GPR89B: variants seen among roughly 807,000 people sequenced by gnomAD.
The protein encoded by GPR89B is G protein-coupled receptor 89B.
Under a neutral mutation model 52.4 loss-of-function variants are expected in GPR89B, and 25 were observed. The ratio of observed to expected loss-of-function variants is 0.48; its 90% CI spans 0.35 to 0.67. GPR89B has a LOEUF of 0.67. GPR89B is among the 30% of genes least tolerant of loss of function. GPR89B has a pLI of 0.01. For missense variants in GPR89B, 146 were observed against 450.2 expected (o/e 0.32, Z 6.11); for synonymous variants, 52 against 151.2 (o/e 0.34, Z 4.81).
chr1:147,939,514 G>T (rs28736431), intron 3 of GPR89B, among the ~76,000 whole-genome samples: 1 of 152,172 alleles, frequency 6.6e-6, no homozygotes, highest in Non-Finnish European at 1.5e-5. Flanking sequence ...TCTTTTAGGA[G>T]TAAAGCAGTC....
chr1:147,982,663 G>GT (rs1420318764), intron 10 of GPR89B, among the ~76,000 whole-genome samples: 2 of 130,704 alleles, frequency 1.5e-5, no homozygotes, highest in Non-Finnish European at 3.2e-5. Flanking sequence ...CTTTAAAGTA[G>GT]TTTTTTCCAA....
chr1:147,970,779 CT>C (rs1313666710), intron 10 of GPR89B, among the ~76,000 whole-genome samples: 1 of 148,706 alleles, frequency 6.7e-6, no homozygotes, highest in Non-Finnish European at 1.5e-5. Flanking sequence ...ACATATAGCT[CT>C]AATTCTTTTG....
At chr1:147,936,829 A>G in intron 2 of GPR89B, 143 bp downstream of exon 2, 1 of 738,676 alleles carries the variant, frequency 1.4e-6, no homozygotes, top group South Asian at 2.0e-5. Context: ...AGATTGGAGA[A>G]TATAAGTAGA....
At chr1:147,931,246 CT>C (rs569368661) in intron 1 of GPR89B, among the ~76,000 whole-genome samples, 70 of 147,168 alleles carry the variant, frequency 4.8e-4, no homozygotes, top group Middle Eastern at 3.5e-3. Flanking sequence ...TGATGGCCAT[CT>C]TTTTTTTTTT....
At chr1:147,951,356 T>A (rs1655674682) in intron 5 of GPR89B, among the ~76,000 whole-genome samples, 2 of 152,136 alleles carry the variant, frequency 1.3e-5, no homozygotes, top group South Asian at 4.1e-4. Flanking sequence ...GCCATTACAA[T>A]TACTAGTGAA....
chr1:147,936,482 G>A (rs1379209773), intron 1 of GPR89B, 145 bp from the exon 2 acceptor site: 2 of 659,488 alleles, frequency 3.0e-6, no homozygotes, highest in Admixed American at 2.8e-5. Context: ...GCTTTAATAA[G>A]TAGGTCTTAT....
the GPR89B span, among the ~76,000 whole-genome samples, chr1:148,015,347 T>G: frequency 3.5e-4 from 49 of 140,896 alleles, no homozygotes; most frequent in African/African-American, 1.3e-3. Flanking sequence ...ACGGAGTCTC[T>G]CTCTGTCACC....
chr1:147,928,684 C>A (rs587670138), intron 1 of GPR89B, 106 bp downstream of exon 1: 72 of 1,474,210 alleles, frequency 4.9e-5, no homozygotes, highest in Admixed American at 1.0e-4. Context: ...TCCTCTCTTA[C>A]GCGGCCTGCG....
chr1:147,988,334 C>G (rs1658812723), intron 11 of GPR89B, 98 bp from the exon 12 acceptor site: 1 of 1,526,568 alleles, frequency 6.6e-7, no homozygotes, highest in Non-Finnish European at 9.1e-7. Flanking sequence ...TCTAATAAAG[C>G]TCCCTCTCAC....
At chr1:147,936,864 A>G (rs1654134876) in intron 2 of GPR89B, among the ~76,000 whole-genome samples, 178 bp downstream of exon 2, 1 of 152,152 alleles carries the variant, frequency 6.6e-6, no homozygotes, top group Non-Finnish European at 1.5e-5. Context: ...AAGGGGGGAA[A>G]AAAGGCAAAT....
intron 1 of GPR89B, chr1:147,929,186 T>G (rs587602794): frequency 6.6e-6 from 1 of 151,200 alleles, no homozygotes; most frequent in Non-Finnish European, 1.5e-5. Context: ...GACCCTCATT[T>G]CTTCTCCATT....
At chr1:147,971,941 T>TC (rs1657505562) in intron 10 of GPR89B, among the ~76,000 whole-genome samples, 1 of 151,726 alleles carries the variant, frequency 6.6e-6, no homozygotes, top group South Asian at 2.1e-4. Context: ...GCCATGAGAT[T>TC]CCTGAGATTC....
At chr1:147,928,606 C>G (rs1653222995) in intron 1 of GPR89B, 28 bp downstream of exon 1, 1 of 1,613,486 alleles carries the variant, frequency 6.2e-7, no homozygotes, top group Admixed American at 1.7e-5. Context: ...GCCCCGACAC[C>G]CGTCCGCCTC....
At position 147,973,219 on chromosome 1, in the gene GPR89B, C is replaced by G. The variant is rs1341122644; in HGVS notation, c.909+3260C>G. Among the ~76,000 whole-genome samples, 5 of 151,126 alleles carry G rather than the reference C, an allele frequency of 3.3e-5. No homozygotes were observed. In the South Asian group the frequency reaches 8.3e-4, roughly 25 times the overall value. ...TCAAATGGTATTTCTGGTGCTAGGT[C>G]TTTGAGGAATCACCACACTGTCTTC... On this transcript the variant is annotated intron_variant, in intron 10 of 13. Coordinates refer to ENST00000314163, the MANE Select transcript of GPR89B (RefSeq NM_016334.5).
intron 1 of GPR89B, among the ~76,000 whole-genome samples, chr1:147,929,346 A>G (rs1463396806): frequency 5.0e-4 from 76 of 151,494 alleles, no homozygotes; most frequent in Admixed American, 2.1e-3. Context: ...ATTGTTAATT[A>G]TTGTTTCTTC....
chr1:148,009,558 A>G, the GPR89B span: 6 of 1,543,456 alleles, frequency 3.9e-6, no homozygotes, highest in Non-Finnish European at 3.6e-6. Context: ...TAGTAAAGTC[A>G]CTGAATTCCC....
chr1:148,007,115 G>A, the GPR89B span, among the ~76,000 whole-genome samples: 27 of 123,206 alleles, frequency 2.2e-4, no homozygotes, highest in African/African-American at 3.6e-4. Flanking sequence ...TTGCTTTATC[G>A]CCCAGCCTGG....
intron 5 of GPR89B, among the ~76,000 whole-genome samples, chr1:147,949,206 C>T (rs202228971): frequency 3.9e-5 from 6 of 152,136 alleles, no homozygotes; most frequent in Non-Finnish European, 5.9e-5. Flanking sequence ...ATCCTTTCCC[C>T]GCCTTTCCCC....
In GPR89B at chr1:147,928,479, G is replaced by C. The variant is rs1412882752; in HGVS notation, c.-58G>C. 3.1e-6 allele frequency: 5 copies of C among 1,608,192 alleles called. No homozygotes were observed. In the African/African-American group the frequency reaches 6.7e-5, roughly 22 times the overall value. ...CCGTGTGAGGGGGCCTGTGGCCCCA[G>C]CGTGCTGTGGCCTCCGGGAGTGGGA... On this transcript the variant is annotated 5_prime_UTR_variant, in exon 1 of 14. Transcript: ENST00000314163.
Sources: allele counts gnomAD v4.1 joint callset (sites outside exome capture counted in the v4.1 genomes callset), GRCh38; gene constraint gnomAD v4.1.1; transcripts MANE v1.5; gene names NCBI Gene and HGNC (gene_info 2026-07-23, HGNC 2026-07-21).